Variants in ADGRB3 observed in about 807,000 individuals in gnomAD.
ADGRB3 encodes adhesion G protein-coupled receptor B3.
In ADGRB3, 37 loss-of-function variants were observed where a neutral mutation model predicts 193.4. The observed-to-expected ratio is 0.19, with a 90% CI of 0.15 to 0.25. The LOEUF (loss-of-function observed/expected upper bound fraction) is 0.25. Among genes scored for constraint, ADGRB3 ranks in the 10% least tolerant of loss-of-function variants. The probability of loss-of-function intolerance (pLI) is 1.00; values close to 1 mark genes in which losing one functional copy is unlikely to be tolerated. For synonymous variants in ADGRB3, 690 were observed against 644.2 expected (o/e 1.07, Z -1.08); for missense variants, 1,637 against 1,852.9 (o/e 0.88, Z 2.14).
intron 20 of ADGRB3, among the ~76,000 whole-genome samples, chr6:69,246,704 G>A (rs1766504877): frequency 1.3e-5 from 2 of 152,218 alleles, no homozygotes. Flanking sequence ...AGATGAAAGT[G>A]GAATTACTTG....
chr6:68,739,019 T>C (rs1765927064), intron 3 of ADGRB3, among the ~76,000 whole-genome samples: 1 of 152,186 alleles, frequency 6.6e-6, no homozygotes, highest in African/African-American at 2.4e-5. Context: ...TGATACCTTA[T>C]ATGTCAAGTA....
chr6:69,071,457 G>A (rs906504413), intron 16 of ADGRB3, among the ~76,000 whole-genome samples: 3 of 152,162 alleles, frequency 2.0e-5, no homozygotes, highest in African/African-American at 7.2e-5. Flanking sequence ...ACAGAGGAGA[G>A]AAGTAAAAGA....
rs376318137 is a variant in ADGRB3 at position 68,854,356 on chromosome 6, T to C, written c.758-76203T>C. Among the ~76,000 whole-genome samples the C allele has an allele frequency of 4.6e-5, 7 of 152,326 alleles. No homozygotes were observed. The East Asian group carries it at 7.7e-4, about 17-fold the overall frequency. Reference sequence around the variant, plus strand: ...TTCTATAATTAATAATGATATATTGTATTTTAGAGAAATGCTAAGAAGGTG... The same window carrying C: ...TTCTATAATTAATAATGATATATTGCATTTTAGAGAAATGCTAAGAAGGTG... On this transcript the variant is annotated intron_variant, in intron 3 of 31. Transcript: ENST00000370598.
chr6:68,996,201 C>G (rs1309104625), intron 11 of ADGRB3, among the ~76,000 whole-genome samples: 5 of 152,198 alleles, frequency 3.3e-5, no homozygotes, highest in African/African-American at 1.2e-4. Flanking sequence ...TTCCTTTTCT[C>G]TTTTCTCTTG....
chr6:69,378,525 G>A (rs1296868546), intron 30 of ADGRB3, among the ~76,000 whole-genome samples: 2 of 151,970 alleles, frequency 1.3e-5, no homozygotes, highest in African/African-American at 4.8e-5. Context: ...TTATTGTGAG[G>A]ATTAAGAAAG....
At chr6:69,190,556 A>T (rs967939177) in intron 17 of ADGRB3, among the ~76,000 whole-genome samples, 2 of 152,160 alleles carry the variant, frequency 1.3e-5, no homozygotes, top group African/African-American at 4.8e-5. Context: ...ATGTGTGTAT[A>T]ACTATGTAAC....
intron 3 of ADGRB3, among the ~76,000 whole-genome samples, chr6:68,647,720 A>G (rs1768249828): frequency 1.3e-5 from 2 of 152,302 alleles, no homozygotes; most frequent in African/African-American, 2.4e-5. Context: ...CAGCAAAGCT[A>G]TTTAAGTTAA....
At chr6:69,343,672 CTT>C (rs1561993624) in intron 26 of ADGRB3, among the ~76,000 whole-genome samples, 1 of 151,906 alleles carries the variant, frequency 6.6e-6, no homozygotes, top group African/African-American at 2.4e-5. Context: ...TCTGGAATAA[CTT>C]TTCTTTTGAA....
chr6:69,108,387 G>GT (rs11322639), intron 17 of ADGRB3, among the ~76,000 whole-genome samples: 1,406 of 137,860 alleles, frequency 0.01, 12 homozygotes, highest in African/African-American at 0.025. Context: ...CAAGCTTCTT[G>GT]TTTTTTTTTT....
At chr6:69,342,535 C>A (rs893295757) in intron 26 of ADGRB3, among the ~76,000 whole-genome samples, 1 of 152,050 alleles carries the variant, frequency 6.6e-6, no homozygotes, top group African/African-American at 2.4e-5. Context: ...CACCAAAATT[C>A]TTTTTGACCT....
At chr6:68,752,518 CT>C (rs1350307829) in intron 3 of ADGRB3, among the ~76,000 whole-genome samples, 2 of 152,108 alleles carry the variant, frequency 1.3e-5, no homozygotes, top group South Asian at 2.1e-4. Flanking sequence ...GGTGATCCAC[CT>C]GCCTCGGCCT....
chr6:69,210,623 A>G (rs898065713), intron 17 of ADGRB3, among the ~76,000 whole-genome samples: 3 of 152,082 alleles, frequency 2.0e-5, no homozygotes, highest in Non-Finnish European at 4.4e-5. Context: ...GGCTCAAGTG[A>G]TCTCCTGCCT....
intron 17 of ADGRB3, among the ~76,000 whole-genome samples, chr6:69,148,349 C>T (rs539431142): frequency 1.8e-4 from 28 of 152,034 alleles, no homozygotes; most frequent in African/African-American, 6.5e-4. Flanking sequence ...TGTCTTATAA[C>T]CCATTGTTTT....
At chr6:69,016,703 C>T (rs1770101930) in intron 12 of ADGRB3, among the ~76,000 whole-genome samples, 1 of 151,856 alleles carries the variant, frequency 6.6e-6, no homozygotes, top group South Asian at 2.1e-4. Context: ...ATTCCTGGAT[C>T]TTTAAGCTTG....
intron 3 of ADGRB3, among the ~76,000 whole-genome samples, chr6:68,836,324 G>A (rs1368327479): frequency 6.6e-6 from 1 of 150,914 alleles, no homozygotes; most frequent in Non-Finnish European, 1.5e-5. Flanking sequence ...ATTGGAATGG[G>A]TTCACTCTTT....
intron 26 of ADGRB3, among the ~76,000 whole-genome samples, chr6:69,347,102 C>T (rs1769111272): frequency 1.3e-5 from 2 of 152,168 alleles, no homozygotes; most frequent in African/African-American, 4.8e-5. Context: ...CGAACTAACA[C>T]AGGGACTGAA....
intron 17 of ADGRB3, among the ~76,000 whole-genome samples, chr6:69,176,714 T>G (rs1582520730): frequency 6.6e-6 from 1 of 152,184 alleles, no homozygotes; most frequent in East Asian, 1.9e-4. Context: ...CCAGCTCTTC[T>G]TTGAACATTG....
intron 17 of ADGRB3, among the ~76,000 whole-genome samples, chr6:69,129,945 C>T (rs1390018145): frequency 6.6e-6 from 1 of 151,992 alleles, no homozygotes; most frequent in Non-Finnish European, 1.5e-5. Flanking sequence ...TGTTTATAAC[C>T]AACTTTTATA....
At chr6:68,896,764 A>T (rs1766229663) in intron 3 of ADGRB3, among the ~76,000 whole-genome samples, 1 of 152,182 alleles carries the variant, frequency 6.6e-6, no homozygotes, top group African/African-American at 2.4e-5. Flanking sequence ...TCGCCTATCC[A>T]ATTTGATCAT....
Sources: gnomAD v4.1 joint callset for allele counts (sites outside exome capture counted in the v4.1 genomes callset) on GRCh38, gnomAD v4.1.1 for gene constraint, MANE v1.5 for transcripts, NCBI Gene and HGNC (gene_info 2026-07-23, HGNC 2026-07-21) for gene names.